Variants in DACH2 observed in about 807,000 individuals in gnomAD.
The protein encoded by DACH2 is dachshund family transcription factor 2.
A neutral mutation model predicts 35.8 loss-of-function variants in DACH2; 17 were observed. The observed-to-expected ratio is 0.48, with a 90% CI of 0.33 to 0.71. The LOEUF (loss-of-function observed/expected upper bound fraction) is 0.71. DACH2 is among the 30% of genes least tolerant of loss of function. The pLI is 0.02. For missense variants in DACH2, 469 were observed against 472.7 expected (o/e 0.99, Z 0.07); for synonymous variants, 195 against 177.3 (o/e 1.10, Z -0.79).
intron 1 of DACH2, among the ~76,000 whole-genome samples, chrX:86,298,350 T>C (rs2034509491): frequency 1.8e-5 from 2 of 112,115 alleles, no homozygotes; most frequent in South Asian, 3.7e-4. Flanking sequence ...TTTTATTTGC[T>C]TCCTCTTTTA....
At chrX:86,329,127 A>C (rs1405016400) in intron 1 of DACH2, among the ~76,000 whole-genome samples, 1 of 111,536 alleles carries the variant, frequency 9.0e-6, no homozygotes, top group Non-Finnish European at 1.9e-5. Flanking sequence ...AAAATTATAC[A>C]TAAAGGACTG....
chrX:86,152,674 C>G (rs749088630), intron 1 of DACH2, among the ~76,000 whole-genome samples: 2 of 111,637 alleles, frequency 1.8e-5, no homozygotes, highest in African/African-American at 6.5e-5. Context: ...AAGAACTGTA[C>G]AACATTTTTC....
chrX:86,597,700 T>C (rs975925499), intron 3 of DACH2, among the ~76,000 whole-genome samples: 4 of 111,753 alleles, frequency 3.6e-5, no homozygotes, highest in African/African-American at 1.3e-4. Flanking sequence ...TTGTTCAAAC[T>C]TTATATTTCC....
At chrX:86,415,193 A>T (rs1315804058) in intron 2 of DACH2, among the ~76,000 whole-genome samples, 2 of 112,062 alleles carry the variant, frequency 1.8e-5, no homozygotes, top group African/African-American at 6.5e-5. Flanking sequence ...TGATGAAAAA[A>T]CTAAGACATA....
At chrX:86,516,404 A>T (rs1010106258) in intron 3 of DACH2, among the ~76,000 whole-genome samples, 1 of 111,164 alleles carries the variant, frequency 9.0e-6, no homozygotes, top group East Asian at 2.8e-4. Flanking sequence ...TTTGTTGAGG[A>T]AAAGCTCTAA....
intron 1 of DACH2, among the ~76,000 whole-genome samples, chrX:86,185,080 C>T (rs1485046570): frequency 9.0e-6 from 1 of 111,304 alleles, no homozygotes; most frequent in East Asian, 2.8e-4. Flanking sequence ...TCTTAAAATT[C>T]CAAATTTTTA....
chrX:86,765,337 T>C (rs979558777), intron 7 of DACH2, among the ~76,000 whole-genome samples: 2 of 111,638 alleles, frequency 1.8e-5, no homozygotes, highest in Non-Finnish European at 3.8e-5. Context: ...TTTCCTGGGT[T>C]TTCTTGTAGG....
chrX:86,345,917 A>G (rs1443274126), intron 1 of DACH2, among the ~76,000 whole-genome samples: 1 of 112,411 alleles, frequency 8.9e-6, no homozygotes, highest in Admixed American at 9.5e-5. Context: ...TTTATATTGC[A>G]TGATTAAAAG....
At chrX:86,327,615 C>T (rs1390415060) in intron 1 of DACH2, among the ~76,000 whole-genome samples, 1 of 110,112 alleles carries the variant, frequency 9.1e-6, no homozygotes, top group African/African-American at 3.4e-5. Flanking sequence ...GTGTTGTAAA[C>T]ATTAAAGCTT....
intron 1 of DACH2, among the ~76,000 whole-genome samples, chrX:86,184,540 T>C (rs949447633): frequency 1.8e-5 from 2 of 111,743 alleles, no homozygotes; most frequent in African/African-American, 6.5e-5. Flanking sequence ...TATATGGGAA[T>C]AGTAGTAATC....
chrX:86,788,087 A>C (rs2042155203), intron 7 of DACH2, among the ~76,000 whole-genome samples: 1 of 110,908 alleles, frequency 9.0e-6, no homozygotes. Flanking sequence ...GCCTGCTAGC[A>C]CTTGGGAGGG....
At chrX:86,534,946 GATC>G (rs1201151883) in intron 3 of DACH2, among the ~76,000 whole-genome samples, 13 of 110,889 alleles carry the variant, frequency 1.2e-4, no homozygotes, top group African/African-American at 2.6e-4. Flanking sequence ...AATTTGCATT[GATC>G]ATCAACTAAA....
At chrX:86,649,410 G>A (rs1048485312) in intron 3 of DACH2, among the ~76,000 whole-genome samples, 1 of 110,674 alleles carries the variant, frequency 9.0e-6, no homozygotes, top group Admixed American at 9.7e-5. Flanking sequence ...TGATTATGAG[G>A]CACCCAGTCA....
At chrX:86,455,641 G>T (rs1293709580) in intron 2 of DACH2, among the ~76,000 whole-genome samples, 1 of 112,701 alleles carries the variant, frequency 8.9e-6, no homozygotes. Context: ...AAGCCAGCAG[G>T]CTGGAATGTA....
intron 3 of DACH2, among the ~76,000 whole-genome samples, chrX:86,536,441 G>T (rs2038801881): frequency 8.9e-6 from 1 of 112,137 alleles, no homozygotes; most frequent in African/African-American, 3.2e-5. Flanking sequence ...TCTCTGTAGA[G>T]AATCTCCTTC....
rs190955715 is a variant in DACH2, at chrX:86,302,214, T to A, written c.489-74610T>A. On this transcript the variant is annotated intron_variant, in intron 1 of 11. Coordinates refer to ENST00000373125, the MANE Select transcript of DACH2 (RefSeq NM_053281.3). ...ACTTTGCATAAATATAGAAAGTAGATCTCCTTAGTATCTAACTTCCTTCTG... is the reference window on the plus strand; with the variant it reads ...ACTTTGCATAAATATAGAAAGTAGAACTCCTTAGTATCTAACTTCCTTCTG... Among the ~76,000 whole-genome samples the A allele has an allele frequency of 2.0e-3, 220 of 111,765 alleles. 1 individual carries two copies. The highest frequency in any genetic ancestry group is 6.4e-3 in the African/African-American group (199 of 30,875).
chrX:86,417,114 AAG>A (rs1556119274), intron 2 of DACH2, among the ~76,000 whole-genome samples: 28 of 103,449 alleles, frequency 2.7e-4, no homozygotes, highest in African/African-American at 9.8e-4. Context: ...AAAAAAAAAA[AAG>A]AAACCACAGT....
chrX:86,256,398 T>C (rs1174976259), intron 1 of DACH2, among the ~76,000 whole-genome samples: 1 of 111,469 alleles, frequency 9.0e-6, no homozygotes, highest in Non-Finnish European at 1.9e-5. Context: ...AAAAATATTC[T>C]CACAAAATAA....
At chrX:86,696,784 C>A (rs1346764886) in intron 5 of DACH2, among the ~76,000 whole-genome samples, 1 of 111,238 alleles carries the variant, frequency 9.0e-6, no homozygotes, top group Non-Finnish European at 1.9e-5. Context: ...GGGGCCCCTA[C>A]ACTTTCATGA....
Sources: gnomAD v4.1 joint callset for allele counts (sites outside exome capture counted in the v4.1 genomes callset) on GRCh38, gnomAD v4.1.1 for gene constraint, MANE v1.5 for transcripts, NCBI Gene and HGNC (gene_info 2026-07-23, HGNC 2026-07-21) for gene names.